Variants in NOL10 observed in about 807,000 individuals in gnomAD.
The protein encoded by NOL10 is H_NH0074G24.1.
Under a neutral mutation model 103.5 loss-of-function variants are expected in NOL10, and 58 were observed. The observed-to-expected ratio is 0.56, with a 90% CI of 0.45 to 0.70. NOL10 has a LOEUF of 0.70. NOL10 is among the 30% of genes least tolerant of loss of function. NOL10 has a pLI of 0.00. For synonymous variants in NOL10, 287 were observed against 282.5 expected (o/e 1.02, Z -0.16); for missense variants, 763 against 807.3 (o/e 0.95, Z 0.67).
At position 10,659,791 on chromosome 2, in the gene NOL10, C is replaced by T. The variant is rs183967960; in HGVS notation, c.678-541G>A. 2.1e-3 allele frequency among the ~76,000 whole-genome samples: 319 copies of T among 152,166 alleles called. 2 individuals carry two copies. The highest frequency in any genetic ancestry group is 7.4e-3 in the African/African-American group (308 of 41,512). On this transcript the variant is annotated intron_variant, in intron 9 of 20. Coordinates refer to ENST00000381685, the MANE Select transcript of NOL10 (RefSeq NM_024894.4). ...CTACTTTCTTCCATTTTAATTAAGC[C>T]AGAATAAGGTATTTATAGAAACATC...
chr2:10,655,012 C>T (rs560624934), intron 11 of NOL10, among the ~76,000 whole-genome samples: 39 of 151,776 alleles, frequency 2.6e-4, no homozygotes, highest in Non-Finnish European at 4.7e-4. Flanking sequence ...GAGTTTAAGA[C>T]CAGCCTGACC....
chr2:10,680,859 C>T (rs896888711), intron 3 of NOL10, among the ~76,000 whole-genome samples: 1 of 152,146 alleles, frequency 6.6e-6, no homozygotes, highest in Non-Finnish European at 1.5e-5. Flanking sequence ...GTTCAACACT[C>T]CAACACACTA....
At chr2:10,647,844 T>C (rs1482624329) in intron 12 of NOL10, among the ~76,000 whole-genome samples, 1 of 152,248 alleles carries the variant, frequency 6.6e-6, no homozygotes, top group African/African-American at 2.4e-5. Context: ...TCAACAGCCC[T>C]GTAAGGCAGG....
At chr2:10,601,530 G>A (rs1467012608) in intron 16 of NOL10, among the ~76,000 whole-genome samples, 1 of 152,030 alleles carries the variant, frequency 6.6e-6, no homozygotes, top group Non-Finnish European at 1.5e-5. Flanking sequence ...CCAGTGCACT[G>A]AGAGGCAGCG....
intron 19 of NOL10, among the ~76,000 whole-genome samples, chr2:10,578,222 G>A (rs1251216224): frequency 6.6e-6 from 1 of 152,218 alleles, no homozygotes; most frequent in Non-Finnish European, 1.5e-5. Flanking sequence ...AAGCCACAGA[G>A]AAGAGCTATG....
intron 13 of NOL10, among the ~76,000 whole-genome samples, chr2:10,609,353 C>T (rs1443542320): frequency 2.0e-5 from 3 of 146,654 alleles, no homozygotes; most frequent in Non-Finnish European, 3.0e-5. Flanking sequence ...TTTGGGAGGC[C>T]GAGGCGGGAG....
In NOL10 at chr2:10,572,086, T is replaced by C. The variant is rs770551163; in HGVS notation, c.2052A>G (p.Gly684=). 1.2e-6 allele frequency: 2 copies of C among 1,613,844 alleles called. No individual in the cohort carries two copies. The highest frequency in any genetic ancestry group is 1.3e-5 in the African/African-American group (1 of 75,048). Residue 684 remains glycine (G), a synonymous_variant, in exon 21 of 21, where the codon GGA becomes GGG. Coordinates refer to ENST00000381685, the MANE Select transcript of NOL10 (RefSeq NM_024894.4). ...AGHLKSRHKR[G]RSFH ...ACTTCCCAAATCAATGAAACGACCG[T>C]CCTCTTTTGTGTCTTGACTTCAGGT...
chr2:10,602,949 G>T, intron 15 of NOL10, 75 bp from the exon 16 acceptor site: 1 of 1,266,586 alleles, frequency 7.9e-7, no homozygotes, highest in Non-Finnish European at 1.1e-6. Flanking sequence ...CACCACGACA[G>T]TTATGCCAAA....
chr2:10,640,089 A>AG (rs1368969847), intron 13 of NOL10, among the ~76,000 whole-genome samples: 4 of 152,226 alleles, frequency 2.6e-5, no homozygotes, highest in African/African-American at 9.6e-5. Flanking sequence ...CCAAAGAGGG[A>AG]GGGAAAAAGT....
chr2:10,648,412 A>G (rs1005206738), intron 12 of NOL10, among the ~76,000 whole-genome samples: 11 of 152,218 alleles, frequency 7.2e-5, no homozygotes, highest in African/African-American at 2.7e-4. Context: ...TCCAAGCCAC[A>G]AAGAAGGGGC....
chr2:10,601,969 CAG>C (rs1675997788), intron 16 of NOL10, among the ~76,000 whole-genome samples: 2 of 152,348 alleles, frequency 1.3e-5, no homozygotes, highest in South Asian at 4.1e-4. Flanking sequence ...AATGAACCAA[CAG>C]GGGCGGCTGC....
intron 13 of NOL10, among the ~76,000 whole-genome samples, chr2:10,615,605 A>G (rs888385211): frequency 5.9e-5 from 9 of 152,258 alleles, no homozygotes; most frequent in African/African-American, 1.9e-4. Flanking sequence ...AACTTTTAAA[A>G]GGTATTAACC....
At chr2:10,661,907 G>A (rs1320658559) in intron 9 of NOL10, among the ~76,000 whole-genome samples, 6 of 149,850 alleles carry the variant, frequency 4.0e-5, no homozygotes, top group Admixed American at 6.6e-5. Context: ...AAAGCAAATC[G>A]GAAAAAAAAA....
intron 5 of NOL10, among the ~76,000 whole-genome samples, chr2:10,672,389 T>C (rs1351006579): frequency 3.3e-5 from 5 of 152,116 alleles, no homozygotes; most frequent in Non-Finnish European, 7.3e-5. Flanking sequence ...TATGATAAAC[T>C]CCTTGTATAC....
At position 10,603,119 on chromosome 2, in the gene NOL10, A is replaced by G; in HGVS notation, c.1192T>C (p.Tyr398His). ...HLIGSPFLRA[Y>H]MHGFFMDIRL... ...ATATCCATGAAAAACCCATGCATATATGCCCGGAGGAAAGGAGATCCAATG... is the reference window on the plus strand; with the variant it reads ...ATATCCATGAAAAACCCATGCATATGTGCCCGGAGGAAAGGAGATCCAATG... Residue 398 changes from tyrosine to histidine, a missense_variant, in exon 15 of 21, where the codon TAT becomes CAT. Tyr to His is a moderately conservative substitution (Grantham distance 83). Transcript: ENST00000381685. 6.2e-7 allele frequency: 1 copy of G among 1,612,004 alleles called. No individual in the cohort carries two copies. Among genetic ancestry groups the G allele is most frequent in the Non-Finnish European group, 8.5e-7 (1 of 1,178,918 alleles).
intron 13 of NOL10, among the ~76,000 whole-genome samples, chr2:10,638,300 A>AACGTGACGTGACGTGACGTG: frequency 1.1e-5 from 1 of 87,192 alleles, no homozygotes; most frequent in Admixed American, 9.6e-5. Flanking sequence ...AAAATAACGT[A>AACGTGACGTGACGTGACGTG]ACGTGACGTG....
intron 19 of NOL10, among the ~76,000 whole-genome samples, chr2:10,583,365 C>T (rs1424332649): frequency 1.3e-5 from 2 of 152,200 alleles, no homozygotes; most frequent in Non-Finnish European, 2.9e-5. Context: ...CCTAATCTTA[C>T]TTTATACAAT....
At chr2:10,593,878 C>T (rs114642508) in intron 17 of NOL10, among the ~76,000 whole-genome samples, 3 of 152,124 alleles carry the variant, frequency 2.0e-5, no homozygotes, top group Non-Finnish European at 4.4e-5. Flanking sequence ...CTTTACCCCC[C>T]CAAGCAGGAG....
At chr2:10,592,236 T>C (rs1384211918) in intron 17 of NOL10, among the ~76,000 whole-genome samples, 1 of 152,164 alleles carries the variant, frequency 6.6e-6, no homozygotes, top group Non-Finnish European at 1.5e-5. Flanking sequence ...GATCCAGCTA[T>C]GGAGATGGGA....
Sources: gnomAD v4.1 joint callset for allele counts (sites outside exome capture counted in the v4.1 genomes callset) on GRCh38, gnomAD v4.1.1 for gene constraint, MANE v1.5 for transcripts, NCBI Gene and HGNC (gene_info 2026-07-23, HGNC 2026-07-21) for gene names.